Variants in ARL15 observed in about 807,000 individuals in gnomAD.
ARL15 encodes ARF like GTPase 15, also known as ADP-ribosylation factor-like protein 15.
ARL15 carries 19 observed loss-of-function variants against 25.2 expected under a neutral mutation model. That is an observed-to-expected ratio of 0.75 (90% CI 0.53 to 1.10). The LOEUF (loss-of-function observed/expected upper bound fraction) is 1.10, where lower values mean the gene tolerates loss of function less well. Among genes scored for constraint, ARL15 ranks in the 50% least tolerant of loss-of-function variants. The pLI, the probability that ARL15 is intolerant of heterozygous loss-of-function variation, is 0.00. For synonymous variants in ARL15, 94 were observed against 86.8 expected, an observed-to-expected ratio of 1.08 and a Z score of -0.46; for missense variants, 220 against 246.0, an observed-to-expected ratio of 0.89 and a Z score of 0.71.
intron 4 of ARL15, among the ~76,000 whole-genome samples, chr5:53,965,935 A>G (rs1580125075): frequency 6.6e-6 from 1 of 152,208 alleles, no homozygotes; most frequent in African/African-American, 2.4e-5. Flanking sequence ...GCAGTGTATT[A>G]AAAGGTATTA....
In ARL15 at chr5:54,113,498, T is replaced by C. The variant is rs537024423; in HGVS notation, c.254-88A>G. On this transcript the variant is annotated intron_variant, in intron 3 of 4. Transcript: ENST00000504924. ...AACAGTAATTCCTACTGGAAACCAA[T>C]GTACCTTTTAAAAATTAAGTGCTAA... is the stretch of plus-strand genomic sequence containing the variant. 3.9e-5 allele frequency: 49 copies of C among 1,254,904 alleles called. No individual in the cohort carries two copies. The African/African-American group carries it at 7.1e-4, about 18-fold the overall frequency. The allele number at this position is 1,254,904 out of a possible 1,614,324, so 77.7% of individuals were successfully genotyped here.
intron 4 of ARL15, among the ~76,000 whole-genome samples, chr5:53,995,586 A>G (rs1195489568): frequency 6.6e-6 from 1 of 152,242 alleles, no homozygotes; most frequent in African/African-American, 2.4e-5. Context: ...CAAAATAGCT[A>G]TAGATTACTC....
chr5:53,891,738 G>A (rs1280931409), intron 4 of ARL15, among the ~76,000 whole-genome samples: 1 of 152,190 alleles, frequency 6.6e-6, no homozygotes. Flanking sequence ...AAGCCTGCGA[G>A]GTGGTTGTGG....
intron 4 of ARL15, among the ~76,000 whole-genome samples, chr5:53,994,704 C>T (rs1169682052): frequency 6.6e-6 from 1 of 152,180 alleles, no homozygotes. Flanking sequence ...AAAACTGCAA[C>T]TCACATCTAA....
intron 4 of ARL15, among the ~76,000 whole-genome samples, chr5:54,106,224 C>T (rs1474076585): frequency 2.0e-5 from 3 of 152,034 alleles, no homozygotes; most frequent in South Asian, 2.1e-4. Context: ...GGTGAGGATT[C>T]GAGGAAGATG....
chr5:54,194,433 A>T (rs1255861657), intron 1 of ARL15, among the ~76,000 whole-genome samples: 1 of 152,112 alleles, frequency 6.6e-6, no homozygotes, highest in African/African-American at 2.4e-5. Context: ...CCAAGAAAGG[A>T]TAGAAAAGAC....
chr5:54,091,139 C>T (rs1199276351), intron 4 of ARL15, among the ~76,000 whole-genome samples: 1 of 152,058 alleles, frequency 6.6e-6, no homozygotes, highest in Non-Finnish European at 1.5e-5. Flanking sequence ...TTCTTCCACA[C>T]TTTGGAAATC....
chr5:54,082,496 A>G (rs1397913909), intron 4 of ARL15, among the ~76,000 whole-genome samples: 3 of 152,166 alleles, frequency 2.0e-5, no homozygotes, highest in Admixed American at 6.5e-5. Flanking sequence ...GAAGGAAAAA[A>G]TCCTGGTAAC....
intron 4 of ARL15, among the ~76,000 whole-genome samples, chr5:53,905,237 A>G (rs972150355): frequency 6.6e-6 from 1 of 152,290 alleles, no homozygotes; most frequent in African/African-American, 2.4e-5. Flanking sequence ...CAGAATCAAT[A>G]CTAGTGTCTA....
At chr5:54,108,895 T>C (rs1055794873) in intron 4 of ARL15, among the ~76,000 whole-genome samples, 12 of 151,738 alleles carry the variant, frequency 7.9e-5, no homozygotes, top group Non-Finnish European at 1.6e-4. Flanking sequence ...AAAGCGAAAA[T>C]TAAATAAACT....
At chr5:53,982,189 TC>T (rs5867908) in intron 4 of ARL15, among the ~76,000 whole-genome samples, 53,199 of 148,990 alleles carry the variant, frequency 0.36, 10,093 homozygotes, top group Middle Eastern at 0.44. Flanking sequence ...TTTTTTCTTT[TC>T]TTTTTTTATA....
chr5:54,218,260 T>C (rs1756271210), intron 1 of ARL15, among the ~76,000 whole-genome samples: 1 of 152,170 alleles, frequency 6.6e-6, no homozygotes, highest in African/African-American at 2.4e-5. Flanking sequence ...AGAGCATGGT[T>C]TTTTTAAAAA....
chr5:53,918,884 C>T (rs1163718135), intron 4 of ARL15, among the ~76,000 whole-genome samples: 1 of 151,202 alleles, frequency 6.6e-6, no homozygotes, highest in Non-Finnish European at 1.5e-5. Context: ...AAAGTAACAA[C>T]ACAAATCTAC....
chr5:53,905,939 C>T (rs1236623958), intron 4 of ARL15, among the ~76,000 whole-genome samples: 1 of 152,064 alleles, frequency 6.6e-6, no homozygotes, highest in East Asian at 1.9e-4. Context: ...ACGTCAGAGT[C>T]CTTGAAATAG....
At chr5:53,912,986 T>C (rs1476355962) in intron 4 of ARL15, among the ~76,000 whole-genome samples, 1 of 152,148 alleles carries the variant, frequency 6.6e-6, no homozygotes, top group Non-Finnish European at 1.5e-5. Context: ...GGAAGATGCA[T>C]GGGAAGTCTA....
At chr5:54,170,757 T>C (rs1456312837) in intron 2 of ARL15, among the ~76,000 whole-genome samples, 3 of 152,156 alleles carry the variant, frequency 2.0e-5, no homozygotes, top group Non-Finnish European at 2.9e-5. Flanking sequence ...CTTCCTTCCA[T>C]GCCCCATCTA....
At chr5:53,956,896 A>G (rs2112135421) in intron 4 of ARL15, among the ~76,000 whole-genome samples, 1 of 152,200 alleles carries the variant, frequency 6.6e-6, no homozygotes, top group South Asian at 2.1e-4. Context: ...CACTGCAATT[A>G]TCCAATCTGA....
At position 54,028,173 on chromosome 5, in the gene ARL15, G is replaced by C. The variant is rs1050463803; in HGVS notation, c.462+85029C>G. Among the ~76,000 whole-genome samples the C allele has an allele frequency of 2.0e-5, 3 of 151,864 alleles. No individual in the cohort carries two copies. In the South Asian group the frequency reaches 6.3e-4, roughly 32 times the overall value. On this transcript the variant is annotated intron_variant, in intron 4 of 4. Transcript: ENST00000504924. ...CCTGAACTTGTGATCCGCCTGTCTCGGCCTCCCAAAATGCTGGGATTACAG... is the reference window on the plus strand; with the variant it reads ...CCTGAACTTGTGATCCGCCTGTCTCCGCCTCCCAAAATGCTGGGATTACAG...
chr5:54,193,404 C>T (rs1051802510), intron 1 of ARL15, among the ~76,000 whole-genome samples: 2 of 152,150 alleles, frequency 1.3e-5, no homozygotes, highest in African/African-American at 4.8e-5. Context: ...ATGGCCTGTT[C>T]GGAACCAGGC....
Sources: allele counts gnomAD v4.1 joint callset (sites outside exome capture counted in the v4.1 genomes callset), GRCh38; gene constraint gnomAD v4.1.1; transcripts MANE v1.5; gene names NCBI Gene and HGNC (gene_info 2026-07-23, HGNC 2026-07-21).